Variants in GABRG3 observed in about 807,000 individuals in gnomAD.
GABRG3 encodes gamma-aminobutyric acid type A receptor subunit gamma3, also known as gamma-aminobutyric acid receptor subunit gamma-3.
A neutral mutation model predicts 48.8 loss-of-function variants in GABRG3; 25 were observed. The ratio of observed to expected loss-of-function variants is 0.51; its 90% CI spans 0.37 to 0.72. The LOEUF (loss-of-function observed/expected upper bound fraction) is 0.72, where lower values mean the gene tolerates loss of function less well. Among genes scored for constraint, GABRG3 ranks in the 30% least tolerant of loss-of-function variants. The pLI is 0.00. For missense variants in GABRG3, 394 were observed against 577.9 expected (o/e 0.68, Z 3.26); for synonymous variants, 227 against 217.6 (o/e 1.04, Z -0.38).
At chr15:27,436,585 A>C (rs952968184) in intron 5 of GABRG3, among the ~76,000 whole-genome samples, 3 of 152,228 alleles carry the variant, frequency 2.0e-5, no homozygotes, top group African/African-American at 7.2e-5. Flanking sequence ...TACTCTTGTT[A>C]AACATACAAG....
At chr15:27,405,242 T>C (rs1283935653) in intron 5 of GABRG3, among the ~76,000 whole-genome samples, 1 of 152,158 alleles carries the variant, frequency 6.6e-6, no homozygotes, top group African/African-American at 2.4e-5. Context: ...AACATAAATA[T>C]GAATAAAATA....
intron 3 of GABRG3, among the ~76,000 whole-genome samples, chr15:27,272,127 T>C (rs750741412): frequency 2.3e-4 from 35 of 152,376 alleles, no homozygotes; most frequent in East Asian, 5.8e-4. Context: ...CCATCCAGAC[T>C]GTCCTCAGAG....
chr15:27,167,067 C>A (rs918775985), intron 3 of GABRG3, among the ~76,000 whole-genome samples: 2 of 152,184 alleles, frequency 1.3e-5, no homozygotes, highest in African/African-American at 4.8e-5. Flanking sequence ...TCCAGGCCCT[C>A]TCACATAGAG....
intron 5 of GABRG3, among the ~76,000 whole-genome samples, chr15:27,424,983 C>A (rs112554306): frequency 0.045 from 6,795 of 152,276 alleles, 176 homozygotes; most frequent in Middle Eastern, 0.11. Context: ...GGCTAAGACT[C>A]AACCAGTCAC....
intron 3 of GABRG3, among the ~76,000 whole-genome samples, chr15:27,193,863 C>T (rs892677566): frequency 3.3e-5 from 5 of 152,174 alleles, no homozygotes; most frequent in African/African-American, 1.2e-4. Context: ...GCCATCTTGG[C>T]TCCTCCCCCG....
rs1302965794 is a variant in GABRG3 at position 27,533,275 on chromosome 15, C to G, written c.*394C>G. Reference sequence around the variant, plus strand: ...CCTTCTGTATCTTTCCTTTGCAGCCCTGGGTGTAGTAGCACTCAGGAGTGT... The same window carrying G: ...CCTTCTGTATCTTTCCTTTGCAGCCGTGGGTGTAGTAGCACTCAGGAGTGT... On this transcript the variant is annotated 3_prime_UTR_variant, in exon 10 of 10. Coordinates refer to ENST00000615808, the MANE Select transcript of GABRG3 (RefSeq NM_033223.5). 4 of 222,586 alleles carry G rather than the reference C, an allele frequency of 1.8e-5. No individual in the cohort carries two copies. Among genetic ancestry groups the G allele is most frequent in the Non-Finnish European group, 8.9e-6 (1 of 112,260 alleles). The allele number at this position is 222,586 out of a possible 1,614,324, so 13.8% of individuals were successfully genotyped here. A position where few individuals can be genotyped will look rare whatever the true frequency, so the allele number is the denominator to read the frequency against.
At chr15:27,125,278 G>T (rs1166469414) in intron 3 of GABRG3, among the ~76,000 whole-genome samples, 2 of 152,132 alleles carry the variant, frequency 1.3e-5, no homozygotes, top group East Asian at 3.9e-4. Flanking sequence ...TCACTTATAT[G>T]TGGGAGCTAA....
intron 3 of GABRG3, among the ~76,000 whole-genome samples, chr15:27,273,153 C>T (rs7163148): frequency 0.015 from 2,225 of 152,098 alleles, 53 homozygotes; most frequent in African/African-American, 0.051. Flanking sequence ...GTCCTCTAAG[C>T]CCAAAGTAGA....
intron 6 of GABRG3, among the ~76,000 whole-genome samples, chr15:27,515,327 C>T (rs960706018): frequency 3.8e-4 from 58 of 152,084 alleles, no homozygotes; most frequent in African/African-American, 1.3e-3. Context: ...CTCCTGACCT[C>T]GGGTTATCCA....
chr15:27,532,911 T>C lies in GABRG3; in HGVS notation c.*30T>C. 6.2e-7 allele frequency: 1 copy of C among 1,603,024 alleles called. No individual in the cohort carries two copies. The highest frequency in any genetic ancestry group is 1.1e-5 in the South Asian group (1 of 89,228). Reference sequence around the variant, plus strand: ...TGCTCAGAGTGAAGAGTGAAGAGCATTTGGTACACACTTGACCTTCTGTCG... The same window carrying C: ...TGCTCAGAGTGAAGAGTGAAGAGCACTTGGTACACACTTGACCTTCTGTCG... On this transcript the variant is annotated 3_prime_UTR_variant, in exon 10 of 10. Transcript: ENST00000615808.
chr15:27,372,284 T>G (rs1029132156), intron 5 of GABRG3, among the ~76,000 whole-genome samples: 1 of 152,222 alleles, frequency 6.6e-6, no homozygotes, highest in East Asian at 1.9e-4. Context: ...TGCGTCTGTT[T>G]TATCAGTATA....
chr15:27,120,655 C>G (rs1377981080), intron 3 of GABRG3, among the ~76,000 whole-genome samples: 1 of 152,042 alleles, frequency 6.6e-6, no homozygotes, highest in Non-Finnish European at 1.5e-5. Context: ...GGACTGGGCT[C>G]CTAGTAAGCA....
chr15:27,378,580 C>T (rs1011437849), intron 5 of GABRG3, among the ~76,000 whole-genome samples: 3 of 152,056 alleles, frequency 2.0e-5, no homozygotes, highest in African/African-American at 2.4e-5. Flanking sequence ...AGTTTTGCAA[C>T]GAAGTGATCT....
chr15:27,529,089 C>A (rs1456095203), intron 9 of GABRG3, among the ~76,000 whole-genome samples: 4 of 152,146 alleles, frequency 2.6e-5, no homozygotes, highest in African/African-American at 9.7e-5. Context: ...CCCTCACTTT[C>A]TTTTGAGCAC....
At chr15:27,362,296 C>T (rs1895051059) in intron 5 of GABRG3, 1 of 152,216 alleles carries the variant, frequency 6.6e-6, no homozygotes, top group Non-Finnish European at 1.5e-5. Context: ...GATTTCACTT[C>T]AGTGACAGAA....
intron 3 of GABRG3, among the ~76,000 whole-genome samples, chr15:27,192,329 T>G (rs1249702399): frequency 6.6e-6 from 1 of 152,240 alleles, no homozygotes; most frequent in Non-Finnish European, 1.5e-5. Flanking sequence ...TTTTCCAACT[T>G]GGTTCCATTC....
rs958657867 is a variant in GABRG3 at position 27,539,282 on chromosome 15, C to T, written c.*6401C>T. 1 of 152,160 alleles carries T rather than the reference C, an allele frequency of 6.6e-6. No individual in the cohort carries two copies. Among genetic ancestry groups the T allele is most frequent in the African/African-American group, 2.4e-5 (1 of 41,436 alleles). The allele number at this position is 152,160 out of a possible 1,614,324, so 9.4% of individuals were successfully genotyped here. ...GAAGGGCAGGTGGAATCGCTCCTGGCAAGGGCATGACCGTGCACAGGCTGA... is the reference window on the plus strand; with the variant it reads ...GAAGGGCAGGTGGAATCGCTCCTGGTAAGGGCATGACCGTGCACAGGCTGA... On this transcript the variant is annotated 3_prime_UTR_variant, in exon 10 of 10. Coordinates refer to ENST00000615808, the MANE Select transcript of GABRG3 (RefSeq NM_033223.5).
Position 27,133,820 on chromosome 15 carries a change from G to A in GABRG3, c.270+106999G>A, listed in dbSNP as rs17137639. Among the ~76,000 whole-genome samples, 1,386 of 152,278 alleles carry A rather than the reference G, an allele frequency of 9.1e-3. 26 individuals are homozygous for A. Among genetic ancestry groups the A allele is most frequent in the African/African-American group, 0.031 (1,276 of 41,546 alleles). ...AACATGATAAATCATTTTTGTTGGT[G>A]TAAATGTCTAGGTTCATCTTACGGT... On this transcript the variant is annotated intron_variant, in intron 3 of 9. Transcript: ENST00000615808.
chr15:26,989,827 C>G (rs1221157184), intron 2 of GABRG3, among the ~76,000 whole-genome samples: 1 of 152,110 alleles, frequency 6.6e-6, no homozygotes, highest in African/African-American at 2.4e-5. Context: ...GTCTCTATGT[C>G]CATGACTTCA....
Sources: gnomAD v4.1 joint callset for allele counts (sites outside exome capture counted in the v4.1 genomes callset) on GRCh38, gnomAD v4.1.1 for gene constraint, MANE v1.5 for transcripts, NCBI Gene and HGNC (gene_info 2026-07-23, HGNC 2026-07-21) for gene names.